ADGRL2: variants seen among roughly 807,000 people sequenced by gnomAD.
ADGRL2 encodes adhesion G protein-coupled receptor L2, also known as calcium-independent alpha-latrotoxin receptor 2.
Under a neutral mutation model 157.4 loss-of-function variants are expected in ADGRL2, and 44 were observed. That is an observed-to-expected ratio of 0.28 (90% confidence interval 0.22 to 0.36). ADGRL2 has a LOEUF of 0.36. Among genes scored for constraint, ADGRL2 ranks in the 10% least tolerant of loss-of-function variants. The pLI is 1.00. For missense variants in ADGRL2, 1,510 were observed against 1,768.9 expected, an observed-to-expected ratio of 0.85 and a Z score of 2.63; for synonymous variants, 585 against 624.7, an observed-to-expected ratio of 0.94 and a Z score of 0.95.
intron 1 of ADGRL2, among the ~76,000 whole-genome samples, chr1:81,752,766 T>A (rs2085532526): frequency 6.6e-6 from 1 of 152,186 alleles, no homozygotes; most frequent in Admixed American, 6.5e-5. Context: ...TTTTCTGTTT[T>A]CTTTTGTCTT....
intron 2 of ADGRL2, among the ~76,000 whole-genome samples, chr1:81,457,864 T>C (rs2077839205): frequency 6.6e-6 from 1 of 152,164 alleles, no homozygotes; most frequent in Non-Finnish European, 1.5e-5. Context: ...TTGATGTCAT[T>C]CTGGAGAGCA....
chr1:81,878,324 A>C (rs566896781), intron 2 of ADGRL2, among the ~76,000 whole-genome samples: 2 of 147,734 alleles, frequency 1.4e-5, no homozygotes, highest in African/African-American at 5.1e-5. Context: ...AATTGATAGA[A>C]AGTTTTATTT....
chr1:81,702,270 A>G (rs955304375), intron 1 of ADGRL2, among the ~76,000 whole-genome samples: 5 of 152,204 alleles, frequency 3.3e-5, no homozygotes, highest in African/African-American at 1.2e-4. Flanking sequence ...GCAGGCATCT[A>G]CCTACGTGTT....
At chr1:81,865,003 C>CA (rs879842879) in intron 2 of ADGRL2, among the ~76,000 whole-genome samples, 1 of 151,542 alleles carries the variant, frequency 6.6e-6, no homozygotes, top group Admixed American at 6.6e-5. Flanking sequence ...AAACCACCCC[C>CA]AAAAAACAAA....
chr1:81,398,462 A>G (rs928864320), intron 1 of ADGRL2, among the ~76,000 whole-genome samples: 2 of 151,446 alleles, frequency 1.3e-5, no homozygotes, highest in African/African-American at 2.4e-5. Context: ...TTTTTTCTCT[A>G]TCGATCTGCT....
In ADGRL2 at chr1:81,716,561, G is replaced by A. The variant is rs141054483; in HGVS notation, c.-143+16753G>A. On this transcript the variant is annotated intron_variant, in intron 1 of 20. Coordinates refer to the ADGRL2 transcript ENST00000359929. ...ATCTCTACCTTCTCTTCCCTGTGTG[G>A]CTGGCACTTTTGGAGAAAAATCTCT... 1.1e-4 allele frequency among the ~76,000 whole-genome samples: 17 copies of A among 152,090 alleles called. 1 individual carries two copies. In the East Asian group the frequency reaches 3.3e-3, roughly 29 times the overall value.
chr1:81,694,869 C>G (rs2083411548), upstream of ADGRL2, among the ~76,000 whole-genome samples: 1 of 152,134 alleles, frequency 6.6e-6, no homozygotes, highest in African/African-American at 2.4e-5. Flanking sequence ...CCTACATTTT[C>G]TTAAATTGTG....
chr1:81,933,731 T>C (rs1219960587), intron 3 of ADGRL2, among the ~76,000 whole-genome samples: 3 of 152,142 alleles, frequency 2.0e-5, no homozygotes, highest in Non-Finnish European at 4.4e-5. Flanking sequence ...TCACTCTCTA[T>C]TTGGAAACTT....
intron 1 of ADGRL2, among the ~76,000 whole-genome samples, chr1:81,393,357 A>G (rs112337822): frequency 6.0e-3 from 312 of 51,810 alleles, no homozygotes; most frequent in African/African-American, 0.015. Context: ...TGCCCCAGGG[A>G]AAAAAAAAAA....
At chr1:81,573,147 T>C (rs971170639) in intron 2 of ADGRL2, among the ~76,000 whole-genome samples, 2 of 152,076 alleles carry the variant, frequency 1.3e-5, no homozygotes, top group Admixed American at 6.6e-5. Flanking sequence ...TGATTTGTTC[T>C]TTTTTAAAGA....
At chr1:81,897,355 A>C (rs528430797) in intron 2 of ADGRL2, among the ~76,000 whole-genome samples, 1 of 152,286 alleles carries the variant, frequency 6.6e-6, no homozygotes, top group Middle Eastern at 3.4e-3. Flanking sequence ...TTGTAACTAT[A>C]TACTGAGACT....
intron 1 of ADGRL2, among the ~76,000 whole-genome samples, chr1:81,752,088 C>A (rs189012965): frequency 1.3e-5 from 2 of 152,092 alleles, no homozygotes; most frequent in Admixed American, 6.6e-5. Context: ...AGAGGTGAGG[C>A]CTTTGGGAGG....
intron 1 of ADGRL2, among the ~76,000 whole-genome samples, chr1:81,395,565 G>C (rs1318014534): frequency 6.6e-6 from 1 of 152,034 alleles, no homozygotes; most frequent in Non-Finnish European, 1.5e-5. Flanking sequence ...ATATAACCCC[G>C]TTTGTCTATT....
intron 1 of ADGRL2, among the ~76,000 whole-genome samples, chr1:81,345,401 G>A (rs532284024): frequency 5.3e-5 from 8 of 152,212 alleles, no homozygotes; most frequent in Admixed American, 3.9e-4. Context: ...GCATTTTAAA[G>A]AAACCCTCTG....
intron 1 of ADGRL2, among the ~76,000 whole-genome samples, chr1:81,439,530 G>C (rs2077469453): frequency 6.6e-6 from 1 of 152,208 alleles, no homozygotes. Context: ...TTGCAGGAGG[G>C]AGCACGTGAG....
intron 2 of ADGRL2, among the ~76,000 whole-genome samples, chr1:81,477,659 G>A (rs1408284949): frequency 6.6e-6 from 1 of 152,124 alleles, no homozygotes; most frequent in Non-Finnish European, 1.5e-5. Flanking sequence ...ATCCTGTAAA[G>A]AACAAAACAG....
chr1:81,501,380 C>T (rs2078842894), intron 2 of ADGRL2, among the ~76,000 whole-genome samples: 1 of 152,196 alleles, frequency 6.6e-6, no homozygotes, highest in African/African-American at 2.4e-5. Context: ...TACTAGCTCT[C>T]TGGGTCATCT....
At chr1:81,307,428 A>C (rs887168846) in intron 1 of ADGRL2, among the ~76,000 whole-genome samples, 3 of 152,190 alleles carry the variant, frequency 2.0e-5, no homozygotes, top group African/African-American at 7.2e-5. Context: ...ATGTCATAAC[A>C]TTATAGACTT....
Position 81,969,367 on chromosome 1 carries a change from A to T in ADGRL2, c.2713A>T (p.Ile905Phe). The T allele has an allele frequency of 6.2e-7, 1 of 1,613,396 alleles. No homozygotes were observed. The highest frequency in any genetic ancestry group is 1.1e-5 in the South Asian group (1 of 91,060). Residue 905 changes from isoleucine (I) to phenylalanine (F), a missense_variant, in exon 15 of 24, where the codon ATT becomes TTT. By Grantham distance (21) the Ile-to-Phe change is conservative. Around this residue, in one of 4 missense-constraint regions of ADGRL2, gnomAD observed 497 missense variants for 627.2 expected, o/e 0.79. Transcript: ENST00000686636. ...TGCTGAATTTATTTTCCTAATAGGC[A>T]TTGATAAGACAAAATATGCGGTAAG... The part of the protein sequence containing the change: ...FIAEFIFLIG[I>F]DKTKYAIACP...
Sources: gnomAD v4.1 joint callset for allele counts (sites outside exome capture counted in the v4.1 genomes callset) on GRCh38, gnomAD v4.1.1 for gene constraint, gnomAD v4.1.1 regional missense constraint, MANE v1.5 for transcripts, NCBI Gene and HGNC (gene_info 2026-07-23, HGNC 2026-07-21) for gene names.